ABTB3: variants seen among roughly 807,000 people sequenced by gnomAD.
The protein encoded by ABTB3 is ankyrin repeat and BTB domain containing 3.
At chr12:107,374,838 T>C in the ABTB3 span, 71 of 153,764 alleles carry the variant, frequency 4.6e-4, no homozygotes, top group Middle Eastern at 3.1e-3. Flanking sequence ...AATAAGCTAA[T>C]CAAAAAACCA....
At chr12:107,630,236 G>A in the ABTB3 span, among the ~76,000 whole-genome samples, 13 of 152,262 alleles carry the variant, frequency 8.5e-5, no homozygotes, top group African/African-American at 2.4e-4. Context: ...TCCAGCTCCC[G>A]GGAACCAGCC....
At chr12:107,601,432 C>T in the ABTB3 span, among the ~76,000 whole-genome samples, 1 of 139,196 alleles carries the variant, frequency 7.2e-6, no homozygotes, top group Non-Finnish European at 1.5e-5. Flanking sequence ...ACACAATAAG[C>T]ACGTAATAAA....
the ABTB3 span, among the ~76,000 whole-genome samples, chr12:107,429,816 G>T: frequency 1.3e-5 from 2 of 152,206 alleles, no homozygotes; most frequent in Non-Finnish European, 1.5e-5. Context: ...TCTGACATTG[G>T]TATCCATTGC....
chr12:107,324,058 C>T, the ABTB3 span, among the ~76,000 whole-genome samples: 1 of 152,128 alleles, frequency 6.6e-6, no homozygotes, highest in African/African-American at 2.4e-5. Context: ...AGCTGTAAAA[C>T]AGAGGTAATA....
chr12:107,485,427 T>A, the ABTB3 span, among the ~76,000 whole-genome samples: 1 of 152,194 alleles, frequency 6.6e-6, no homozygotes, highest in East Asian at 1.9e-4. Context: ...TACTACCTCA[T>A]GCAGATATTC....
chr12:107,376,381 T>A, the ABTB3 span, among the ~76,000 whole-genome samples: 2 of 152,228 alleles, frequency 1.3e-5, no homozygotes, highest in African/African-American at 2.4e-5. Flanking sequence ...GATGAATGAA[T>A]GAATTTGCAT....
the ABTB3 span, among the ~76,000 whole-genome samples, chr12:107,608,893 TAAATA>T: frequency 0.039 from 3,306 of 83,866 alleles, 82 homozygotes; most frequent in South Asian, 0.053. Context: ...TAAAATAAAA[TAAATA>T]AAATAAAATA....
the ABTB3 span, among the ~76,000 whole-genome samples, chr12:107,541,303 G>T: frequency 6.6e-6 from 1 of 152,184 alleles, no homozygotes; most frequent in African/African-American, 2.4e-5. Flanking sequence ...GGTGGAGAAG[G>T]GGTGAGATCT....
At chr12:107,637,112 CAT>C in the ABTB3 span, among the ~76,000 whole-genome samples, 639 of 152,338 alleles carry the variant, frequency 4.2e-3, 3 homozygotes, top group African/African-American at 0.015. Context: ...GAGGGATACT[CAT>C]GTGTCAGCCA....
At chr12:107,451,073 A>T in the ABTB3 span, among the ~76,000 whole-genome samples, 2 of 152,112 alleles carry the variant, frequency 1.3e-5, no homozygotes, top group African/African-American at 4.8e-5. Context: ...GCACATACGA[A>T]TTCCGTACGG....
At chr12:107,373,925 T>C in the ABTB3 span, among the ~76,000 whole-genome samples, 1 of 152,178 alleles carries the variant, frequency 6.6e-6, no homozygotes, top group Non-Finnish European at 1.5e-5. Context: ...AGTGCTGTAG[T>C]GGAGTCTGCG....
the ABTB3 span, among the ~76,000 whole-genome samples, chr12:107,462,591 ATGG>A: frequency 1.3e-5 from 2 of 151,894 alleles, no homozygotes; most frequent in Non-Finnish European, 2.9e-5. Context: ...GATAGTGATT[ATGG>A]TGGTAGTGAC....
At chr12:107,335,404 G>A in the ABTB3 span, among the ~76,000 whole-genome samples, 1 of 149,834 alleles carries the variant, frequency 6.7e-6, no homozygotes, top group Non-Finnish European at 1.5e-5. Flanking sequence ...TTTCCTAAGG[G>A]GATAGAGGGA....
At chr12:107,373,470 T>G in the ABTB3 span, among the ~76,000 whole-genome samples, 1 of 152,192 alleles carries the variant, frequency 6.6e-6, no homozygotes, top group African/African-American at 2.4e-5. Context: ...AGCATCACTT[T>G]CCTTTGAGGA....
At chr12:107,632,423 C>T in the ABTB3 span, among the ~76,000 whole-genome samples, 3 of 152,174 alleles carry the variant, frequency 2.0e-5, no homozygotes, top group Non-Finnish European at 4.4e-5. Context: ...ATAATACAGT[C>T]TGTACAAAGC....
the ABTB3 span, among the ~76,000 whole-genome samples, chr12:107,579,865 G>T: frequency 6.6e-6 from 1 of 152,202 alleles, no homozygotes; most frequent in African/African-American, 2.4e-5. Context: ...TTGCATCTAC[G>T]TAGTGCATTT....
At chr12:107,569,830 A>T in the ABTB3 span, among the ~76,000 whole-genome samples, 1 of 152,248 alleles carries the variant, frequency 6.6e-6, no homozygotes, top group African/African-American at 2.4e-5. Context: ...TGGCCACTTA[A>T]GCAACGGTCA....
chr12:107,470,364 C>A, the ABTB3 span, among the ~76,000 whole-genome samples: 1 of 152,080 alleles, frequency 6.6e-6, no homozygotes, highest in South Asian at 2.1e-4. Flanking sequence ...TAGCAAGGTG[C>A]TTATGGTAGG....
At chr12:107,569,026 T>C in the ABTB3 span, among the ~76,000 whole-genome samples, 1 of 152,240 alleles carries the variant, frequency 6.6e-6, no homozygotes, top group East Asian at 1.9e-4. Flanking sequence ...TCTGTCATAC[T>C]GCCAAATGCA....
Sources: allele counts gnomAD v4.1 joint callset (sites outside exome capture counted in the v4.1 genomes callset), GRCh38; gene constraint gnomAD v4.1.1; transcripts MANE v1.5; gene names NCBI Gene and HGNC (gene_info 2026-07-23, HGNC 2026-07-21).